Variants in CS observed in about 807,000 individuals in gnomAD.
CS encodes citrate synthase, also known as citrate synthase, mitochondrial.
A neutral mutation model predicts 61.4 loss-of-function variants in CS; 13 were observed. The observed-to-expected ratio is 0.21, with a 90% CI of 0.14 to 0.34. CS has a LOEUF of 0.34. CS is among the 10% of genes least tolerant of loss of function. CS has a pLI of 1.00. For synonymous variants in CS, 159 were observed against 215.2 expected, an observed-to-expected ratio of 0.74 and a Z score of 2.29; for missense variants, 278 against 573.4, an observed-to-expected ratio of 0.48 and a Z score of 5.26.
At chr12:56,286,217 AAC>A in intron 2 of CS, 194 bp from the exon 3 acceptor site, 2 of 585,002 alleles carry the variant, frequency 3.4e-6, no homozygotes, top group Non-Finnish European at 6.0e-6. Flanking sequence ...GTTTAATGGG[AAC>A]AGTTTCTCGG....
At chr12:56,296,357 G>T (rs1352920851) in intron 1 of CS, among the ~76,000 whole-genome samples, 2 of 152,032 alleles carry the variant, frequency 1.3e-5, no homozygotes, top group Non-Finnish European at 2.9e-5. Context: ...CAGCTACTCG[G>T]GGGGATTGCT....
chr12:56,286,011 T>C lies in CS; in HGVS notation c.106A>G (p.Ile36Val). 2 of 1,613,664 alleles carry C rather than the reference T, an allele frequency of 1.2e-6. No homozygotes were observed. Among genetic ancestry groups the C allele is most frequent in the Non-Finnish European group, 1.7e-6 (2 of 1,179,590 alleles). ...TCCTTAGGTATCAGGTCAGCCAATATGTCTTTCAAATTCTAAAAAGAAAAG... is the reference window on the plus strand; with the variant it reads ...TCCTTAGGTATCAGGTCAGCCAATACGTCTTTCAAATTCTAAAAAGAAAAG... ...ASASSTNLKD[I>V]LADLIPKEQA... is the part of the protein sequence containing the mutation. Residue 36 changes from isoleucine (I) to valine (V), a missense_variant, in exon 3 of 11, where the codon ATA becomes GTA. By Grantham distance (29) the Ile-to-Val change is conservative (BLOSUM62 3). Around this residue, in one of 2 missense-constraint regions of CS, gnomAD observed 55 missense variants for 69.9 expected, o/e 0.79. Transcript: ENST00000351328.
At chr12:56,292,730 CAAAAAAAA>C (rs531365770) in intron 1 of CS, among the ~76,000 whole-genome samples, 710 of 56,878 alleles carry the variant, frequency 0.012, 4 homozygotes, top group Admixed American at 0.02. Context: ...TAAAAAAATA[CAAAAAAAA>C]AAAAAAAAAA....
chr12:56,289,383 C>T (rs991631092), intron 1 of CS, among the ~76,000 whole-genome samples: 2 of 152,172 alleles, frequency 1.3e-5, no homozygotes, highest in Non-Finnish European at 2.9e-5. Context: ...ATCAGCCCAG[C>T]AGGAGACCTT....
At chr12:56,278,721 A>G (rs908221574) in intron 6 of CS, among the ~76,000 whole-genome samples, 15 of 151,222 alleles carry the variant, frequency 9.9e-5, no homozygotes, top group Non-Finnish European at 2.1e-4. Flanking sequence ...TGAGCGACAG[A>G]GACTCTGTCT....
chr12:56,291,225 A>C, intron 1 of CS: 4 of 1,171,060 alleles, frequency 3.4e-6, no homozygotes, highest in Non-Finnish European at 4.3e-6. Context: ...CCTACCATCA[A>C]GTGTCAGAAC....
intron 7 of CS, 115 bp downstream of exon 7, chr12:56,275,881 C>T (rs558128287): frequency 6.3e-5 from 58 of 916,234 alleles, no homozygotes; most frequent in Admixed American, 3.5e-4. Flanking sequence ...TGCCACGTTT[C>T]TGTCTTCTTG....
At chr12:56,277,714 T>C (rs992388710) in intron 6 of CS, among the ~76,000 whole-genome samples, 3 of 145,762 alleles carry the variant, frequency 2.1e-5, no homozygotes, top group Admixed American at 7.0e-5. Flanking sequence ...CACTGCAAGC[T>C]CCGCCTCCCG....
At chr12:56,296,947 A>G (rs1157757103) in intron 1 of CS, among the ~76,000 whole-genome samples, 1 of 152,212 alleles carries the variant, frequency 6.6e-6, no homozygotes, top group Non-Finnish European at 1.5e-5. Context: ...ATTTTGCAGG[A>G]CAAAACCAAC....
intron 4 of CS, 112 bp downstream of exon 4, chr12:56,283,679 CA>C: frequency 1.4e-6 from 1 of 719,464 alleles, no homozygotes; most frequent in Non-Finnish European, 2.5e-6. Flanking sequence ...CTCTACCTTC[CA>C]ATATATGAAG....
At chr12:56,287,869 G>A (rs531937488) in intron 1 of CS, among the ~76,000 whole-genome samples, 1 of 151,998 alleles carries the variant, frequency 6.6e-6, no homozygotes, top group South Asian at 2.1e-4. Context: ...TGTTGGCCAC[G>A]CTGGTCTCAA....
intron 4 of CS, 97 bp from the exon 5 acceptor site, chr12:56,283,088 ACTTT>A (rs1872823923): frequency 1.5e-6 from 2 of 1,335,466 alleles, no homozygotes; most frequent in Non-Finnish European, 2.1e-6. Flanking sequence ...TTAGAGTAGA[ACTTT>A]TTATGTTAAT....
chr12:56,293,345 C>A (rs182791674), intron 1 of CS, among the ~76,000 whole-genome samples: 5 of 152,160 alleles, frequency 3.3e-5, no homozygotes, highest in African/African-American at 1.2e-4. Flanking sequence ...GGAGGCTGGG[C>A]GCAGTGGCTC....
chr12:56,300,125 C>A (rs1407380596), intron 1 of CS, 35 bp downstream of exon 1: 4 of 1,549,958 alleles, frequency 2.6e-6, no homozygotes, highest in African/African-American at 1.4e-5. Context: ...TCAGCCCCAC[C>A]CTGGGACGGC....
At chr12:56,273,496 G>A (rs1241342832) in intron 10 of CS, 91 bp downstream of exon 10, 1 of 1,310,624 alleles carries the variant, frequency 7.6e-7, no homozygotes, top group Admixed American at 1.9e-5. Context: ...GGAAGTCCCT[G>A]CTCTGACTAG....
At chr12:56,294,529 A>C (rs1873235468) in intron 1 of CS, among the ~76,000 whole-genome samples, 1 of 151,354 alleles carries the variant, frequency 6.6e-6, no homozygotes, top group African/African-American at 2.4e-5. Flanking sequence ...GGAGGACTGC[A>C]AAAGATACTC....
At chr12:56,291,273 C>G (rs1873117313) in intron 1 of CS, 1 of 1,099,640 alleles carries the variant, frequency 9.1e-7, no homozygotes, top group Non-Finnish European at 1.1e-6. Flanking sequence ...GGCAGTCAAG[C>G]CTGAGGCAGA....
At chr12:56,283,324 A>G (rs1872832373) in intron 4 of CS, among the ~76,000 whole-genome samples, 1 of 152,042 alleles carries the variant, frequency 6.6e-6, no homozygotes, top group Non-Finnish European at 1.5e-5. Flanking sequence ...GCTCACTGCA[A>G]ACTCCGCCTC....
At chr12:56,292,021 GA>G in intron 1 of CS, among the ~76,000 whole-genome samples, 1 of 152,214 alleles carries the variant, frequency 6.6e-6, no homozygotes. Context: ...GTGGTAAGAT[GA>G]AAAAATATAA....
Sources: gnomAD v4.1 joint callset for allele counts (sites outside exome capture counted in the v4.1 genomes callset) on GRCh38, gnomAD v4.1.1 for gene constraint, gnomAD v4.1.1 regional missense constraint, MANE v1.5 for transcripts, NCBI Gene and HGNC (gene_info 2026-07-23, HGNC 2026-07-21) for gene names.